Variants in LYPLAL1 observed in about 807,000 individuals in gnomAD.
LYPLAL1 encodes the protein lysophospholipase-like protein 1.
A neutral mutation model predicts 19.7 loss-of-function variants in LYPLAL1; 23 were observed. That is an observed-to-expected ratio of 1.17 (90% CI 0.84 to 1.65). The LOEUF is 1.65. LYPLAL1 is among the 40% of genes most tolerant of loss of function. The pLI is 0.00. For missense variants in LYPLAL1, 355 were observed against 279.4 expected, an observed-to-expected ratio of 1.27 and a Z score of -1.93; for synonymous variants, 119 against 96.3, an observed-to-expected ratio of 1.24 and a Z score of -1.38.
the LYPLAL1 span, among the ~76,000 whole-genome samples, chr1:219,305,120 T>A: frequency 6.6e-6 from 1 of 152,126 alleles, no homozygotes; most frequent in Non-Finnish European, 1.5e-5. Context: ...TGTTCTTACA[T>A]GGACTGTGGC....
chr1:219,185,516 C>A (rs896207566), intron 2 of LYPLAL1, among the ~76,000 whole-genome samples: 2 of 151,780 alleles, frequency 1.3e-5, no homozygotes, highest in Non-Finnish European at 2.9e-5. Context: ...GTTTTCAAAT[C>A]TAAATGGTCC....
At chr1:219,373,874 A>AC in the LYPLAL1 span, among the ~76,000 whole-genome samples, 3 of 38,412 alleles carry the variant, frequency 7.8e-5, no homozygotes, top group Non-Finnish European at 1.1e-4. Flanking sequence ...AAAAAAAAAA[A>AC]AAAAAAACAA....
the LYPLAL1 span, among the ~76,000 whole-genome samples, chr1:219,304,803 G>A: frequency 1.3e-5 from 2 of 152,084 alleles, no homozygotes; most frequent in Non-Finnish European, 2.9e-5. Flanking sequence ...AGATCTCTGA[G>A]GGAATTAAAG....
chr1:219,289,078 G>GTTTTTTT, the LYPLAL1 span, among the ~76,000 whole-genome samples: 33 of 114,898 alleles, frequency 2.9e-4, 5 homozygotes, highest in Admixed American at 3.8e-4. Flanking sequence ...CTCTTGTTTT[G>GTTTTTTT]TTTTTTTTGT....
chr1:219,384,541 A>G, the LYPLAL1 span, among the ~76,000 whole-genome samples: 3 of 152,200 alleles, frequency 2.0e-5, no homozygotes, highest in African/African-American at 7.2e-5. Context: ...AGGTAATGTC[A>G]ATTGATTGAA....
chr1:219,194,546 T>A (rs185297772), intron 3 of LYPLAL1, among the ~76,000 whole-genome samples: 1 of 152,212 alleles, frequency 6.6e-6, no homozygotes, highest in East Asian at 1.9e-4. Context: ...AAGTGGTAAC[T>A]ATAATGCCAG....
the LYPLAL1 span, among the ~76,000 whole-genome samples, chr1:219,263,454 A>G: frequency 1.3e-5 from 2 of 152,192 alleles, no homozygotes; most frequent in East Asian, 3.9e-4. Context: ...TTTAGGTCTC[A>G]TGCCTCTCCA....
chr1:219,234,484 C>T, the LYPLAL1 span, among the ~76,000 whole-genome samples: 1 of 151,914 alleles, frequency 6.6e-6, no homozygotes, highest in Non-Finnish European at 1.5e-5. Context: ...ATAAAGGATT[C>T]CCATACTTAT....
At chr1:219,379,965 G>A in the LYPLAL1 span, among the ~76,000 whole-genome samples, 1 of 152,230 alleles carries the variant, frequency 6.6e-6, no homozygotes, top group Non-Finnish European at 1.5e-5. Context: ...GGCCCAAAAG[G>A]CAGGAACTGG....
At chr1:219,217,798 T>C (rs371000907), downstream of LYPLAL1, among the ~76,000 whole-genome samples, 30 of 152,254 alleles carry the variant, frequency 2.0e-4, no homozygotes, top group African/African-American at 6.3e-4. Flanking sequence ...TTTGCACATA[T>C]AAACATTTCC....
the LYPLAL1 span, among the ~76,000 whole-genome samples, chr1:219,368,761 G>C: frequency 1.3e-5 from 2 of 152,248 alleles, no homozygotes; most frequent in Admixed American, 6.5e-5. Context: ...GTAGCAGTAA[G>C]TATAGTGATC....
At position 219,210,622 on chromosome 1, in the gene LYPLAL1, T is replaced by C; in HGVS notation, c.452T>C (p.Leu151Pro). The C allele has an allele frequency of 5.0e-6, 8 of 1,609,390 alleles. No homozygotes were observed. Among genetic ancestry groups the C allele is most frequent in the Non-Finnish European group, 6.8e-6 (8 of 1,177,428 alleles). ...GGAGTATTTGCTCTTTCTAGTTTTC[T>C]GAATAAAGCATCTGCTGTTTACCAG... ...VAGVFALSSF[L>P]NKASAVYQAL... Residue 151 changes from leucine to proline, a missense_variant, in exon 4 of 5, where the codon CTG becomes CCG. Physicochemically the swap from Leu to Pro is moderately conservative, Grantham distance 98. Transcript: ENST00000366928.
chr1:219,327,046 C>CCTTG, the LYPLAL1 span, among the ~76,000 whole-genome samples: 9 of 152,070 alleles, frequency 5.9e-5, no homozygotes, highest in African/African-American at 1.9e-4. Context: ...TGGCAGTGAG[C>CCTTG]CAAGATAGCA....
chr1:219,353,324 T>C, the LYPLAL1 span, among the ~76,000 whole-genome samples: 62 of 152,344 alleles, frequency 4.1e-4, no homozygotes, highest in Non-Finnish European at 6.3e-4. Flanking sequence ...TTCTACATAA[T>C]GGTTCCTTCA....
At chr1:219,381,698 TAAG>T in the LYPLAL1 span, among the ~76,000 whole-genome samples, 4 of 152,204 alleles carry the variant, frequency 2.6e-5, no homozygotes, top group Non-Finnish European at 5.9e-5. Context: ...TGAGAAGGAC[TAAG>T]AAGATTTATA....
the LYPLAL1 span, among the ~76,000 whole-genome samples, chr1:219,325,026 G>T: frequency 1.6e-4 from 24 of 152,100 alleles, no homozygotes; most frequent in African/African-American, 5.1e-4. Context: ...CTAGACTGAG[G>T]CTAGTTCCTA....
At chr1:219,302,557 C>G in the LYPLAL1 span, among the ~76,000 whole-genome samples, 1 of 152,234 alleles carries the variant, frequency 6.6e-6, no homozygotes, top group African/African-American at 2.4e-5. Context: ...AGGCAAGTTT[C>G]CATATCTCTC....
chr1:219,335,449 C>T, the LYPLAL1 span, among the ~76,000 whole-genome samples: 1 of 151,422 alleles, frequency 6.6e-6, no homozygotes, highest in African/African-American at 2.4e-5. Flanking sequence ...TACACATAAG[C>T]TTAACTTTCA....
chr1:219,373,863 C>CAAAAAAAAAAAAAAAAA, the LYPLAL1 span, among the ~76,000 whole-genome samples: 2 of 102,216 alleles, frequency 2.0e-5, no homozygotes, highest in Non-Finnish European at 2.0e-5. Context: ...ATAAAATTGT[C>CAAAAAAAAAAAAAAAAA]AAAAAAAAAA....
Sources: gnomAD v4.1 joint callset for allele counts (sites outside exome capture counted in the v4.1 genomes callset) on GRCh38, gnomAD v4.1.1 for gene constraint, MANE v1.5 for transcripts, NCBI Gene and HGNC (gene_info 2026-07-23, HGNC 2026-07-21) for gene names.